TBC1D8: variants seen among roughly 807,000 people sequenced by gnomAD.
TBC1D8 encodes TBC1 domain family member 8.
A neutral mutation model predicts 118.8 loss-of-function variants in TBC1D8; 65 were observed. The ratio of observed to expected loss-of-function variants is 0.55; its 90% CI spans 0.45 to 0.67. The LOEUF (loss-of-function observed/expected upper bound fraction) is 0.67, where lower values mean the gene tolerates loss of function less well. Among genes scored for constraint, TBC1D8 ranks in the 30% least tolerant of loss-of-function variants. The pLI is 0.00. For missense variants in TBC1D8, 1,376 were observed against 1,471.2 expected (o/e 0.94, Z 1.06); for synonymous variants, 566 against 595.8 (o/e 0.95, Z 0.73).
intron 1 of TBC1D8, among the ~76,000 whole-genome samples, chr2:101,126,237 T>C (rs1205540994): frequency 6.6e-6 from 1 of 152,102 alleles, no homozygotes; most frequent in East Asian, 1.9e-4. Context: ...TTCACTCTCA[T>C]GAGTATGGCA....
At chr2:101,014,197 GTTTT>G (rs113766146) in intron 17 of TBC1D8, among the ~76,000 whole-genome samples, 9 of 144,374 alleles carry the variant, frequency 6.2e-5, no homozygotes, top group Admixed American at 6.2e-4. Context: ...TTTCGCAAAA[GTTTT>G]TTTTTTTTCA....
intron 2 of TBC1D8, among the ~76,000 whole-genome samples, chr2:101,062,751 C>A (rs550402919): frequency 6.6e-6 from 1 of 152,296 alleles, no homozygotes; most frequent in African/African-American, 2.4e-5. Context: ...AAGTGATTCT[C>A]CCACCTCAGC....
At position 101,117,145 on chromosome 2, in the gene TBC1D8, G is replaced by C. The variant is rs181726445; in HGVS notation, c.128-26781C>G. Among the ~76,000 whole-genome samples, 7 of 152,192 alleles carry C rather than the reference G, an allele frequency of 4.6e-5. No individual in the cohort carries two copies. The East Asian group carries it at 1.4e-3, about 30-fold the overall frequency. On this transcript the variant is annotated intron_variant, in intron 1 of 19. Transcript: ENST00000409318. ...TGCCAGCCAACCCCCAGAACCCCAGGCAAGGCAAGGAAGAACTCCCCTACA... is the reference window on the plus strand; with the variant it reads ...TGCCAGCCAACCCCCAGAACCCCAGCCAAGGCAAGGAAGAACTCCCCTACA...
chr2:101,043,724 G>A (rs1681528051), intron 5 of TBC1D8, among the ~76,000 whole-genome samples: 1 of 152,206 alleles, frequency 6.6e-6, no homozygotes, highest in Non-Finnish European at 1.5e-5. Flanking sequence ...GGCAGATCAC[G>A]AGGCCAGGAG....
At chr2:101,018,873 A>G in intron 17 of TBC1D8, 1 of 1,238,754 alleles carries the variant, frequency 8.1e-7, no homozygotes, top group African/African-American at 1.5e-5. Flanking sequence ...ACTAAGCAAA[A>G]TGGCCAATAT....
chr2:101,011,106 G>T, intron 18 of TBC1D8, 80 bp from the exon 19 acceptor site: 2 of 1,333,748 alleles, frequency 1.5e-6, no homozygotes, highest in South Asian at 1.2e-5. Flanking sequence ...TAGGAGAGAG[G>T]AGCAAGGGGG....
intron 2 of TBC1D8, among the ~76,000 whole-genome samples, chr2:101,079,791 T>C (rs1290063918): frequency 1.4e-5 from 2 of 143,344 alleles, no homozygotes; most frequent in Non-Finnish European, 3.0e-5. Context: ...GTTCACGCCA[T>C]TCTCCTGCCT....
chr2:101,120,482 A>G (rs779593359), intron 1 of TBC1D8, among the ~76,000 whole-genome samples: 4 of 152,184 alleles, frequency 2.6e-5, no homozygotes, highest in Non-Finnish European at 5.9e-5. Flanking sequence ...GGTATGAACC[A>G]CTGTGTCTAT....
chr2:101,088,958 GA>G (rs77084733), intron 2 of TBC1D8, among the ~76,000 whole-genome samples: 12 of 150,446 alleles, frequency 8.0e-5, no homozygotes, highest in Non-Finnish European at 1.6e-4. Context: ...AAAACAAACT[GA>G]AAAAAAAATG....
At chr2:101,133,574 T>C (rs886819386) in intron 1 of TBC1D8, among the ~76,000 whole-genome samples, 1 of 152,164 alleles carries the variant, frequency 6.6e-6, no homozygotes, top group Non-Finnish European at 1.5e-5. Flanking sequence ...GGTTCACAGA[T>C]GGTGGCTTCA....
chr2:101,012,204 TA>T (rs1679269394), intron 17 of TBC1D8, among the ~76,000 whole-genome samples: 1 of 152,226 alleles, frequency 6.6e-6, no homozygotes, highest in Non-Finnish European at 1.5e-5. Flanking sequence ...ATCTCACTTC[TA>T]CATATACACC....
chr2:101,010,881 C>G, intron 19 of TBC1D8, 48 bp downstream of exon 19: 1 of 1,305,924 alleles, frequency 7.7e-7, no homozygotes, highest in Non-Finnish European at 1.0e-6. Context: ...GACTCCATCT[C>G]AAAAAAAAAA....
intron 4 of TBC1D8, among the ~76,000 whole-genome samples, chr2:101,053,190 T>C (rs1460814826): frequency 1.3e-5 from 2 of 152,182 alleles, no homozygotes; most frequent in East Asian, 1.9e-4. Flanking sequence ...GAGTTTCCAA[T>C]AGGCTAAGTA....
intron 2 of TBC1D8, among the ~76,000 whole-genome samples, chr2:101,066,560 A>G (rs1683027033): frequency 6.6e-6 from 1 of 152,242 alleles, no homozygotes. Context: ...ATATGTACAG[A>G]CATACCTCAA....
At chr2:101,062,939 CCT>C (rs1682833425) in intron 2 of TBC1D8, among the ~76,000 whole-genome samples, 1 of 152,112 alleles carries the variant, frequency 6.6e-6, no homozygotes, top group South Asian at 2.1e-4. Flanking sequence ...CGCGCCCAGC[CCT>C]GCTAATTTGA....
At chr2:101,050,751 T>C in intron 4 of TBC1D8, 110 bp from the exon 5 acceptor site, 1 of 1,374,822 alleles carries the variant, frequency 7.3e-7, no homozygotes, top group Non-Finnish European at 9.8e-7. Flanking sequence ...TGTAAATGCC[T>C]TTTTAAAAAA....
chr2:101,050,323 G>A, intron 5 of TBC1D8, 78 bp downstream of exon 5: 1 of 1,515,178 alleles, frequency 6.6e-7, no homozygotes, highest in South Asian at 1.3e-5. Context: ...GCTAACAAAA[G>A]CACTTGTACA....
chr2:101,142,634 G>A (rs1262497075), intron 1 of TBC1D8, among the ~76,000 whole-genome samples: 2 of 152,128 alleles, frequency 1.3e-5, no homozygotes, highest in African/African-American at 2.4e-5. Flanking sequence ...CATAATGCAG[G>A]GGGTGGGGTG....
chr2:101,113,367 C>T (rs933535494), intron 1 of TBC1D8, among the ~76,000 whole-genome samples: 6 of 151,328 alleles, frequency 4.0e-5, no homozygotes, highest in Non-Finnish European at 5.9e-5. Context: ...AGTTCCCACA[C>T]AGGATACTGA....
Sources: gnomAD v4.1 joint callset for allele counts (sites outside exome capture counted in the v4.1 genomes callset) on GRCh38, gnomAD v4.1.1 for gene constraint, MANE v1.5 for transcripts, NCBI Gene and HGNC (gene_info 2026-07-23, HGNC 2026-07-21) for gene names.